Variants in COL19A1 observed in about 807,000 individuals in gnomAD.
COL19A1 encodes collagen alpha-1(XIX) chain.
A neutral mutation model predicts 190.2 loss-of-function variants in COL19A1; 159 were observed. That is an observed-to-expected ratio of 0.84 (90% CI 0.73 to 0.95). The LOEUF is 0.95. COL19A1 is among the 40% of genes least tolerant of loss of function. The probability of loss-of-function intolerance (pLI) is 0.00; values close to 1 mark genes in which losing one functional copy is unlikely to be tolerated. For missense variants in COL19A1, 1,418 were observed against 1,431.9 expected (o/e 0.99, Z 0.16); for synonymous variants, 509 against 458.9 (o/e 1.11, Z -1.39).
chr6:69,947,854 T>C (rs925935264), intron 9 of COL19A1, among the ~76,000 whole-genome samples: 14 of 151,916 alleles, frequency 9.2e-5, no homozygotes, highest in Admixed American at 2.6e-4. Flanking sequence ...CCTATAGGAA[T>C]GTAACTGTTA....
intron 11 of COL19A1, among the ~76,000 whole-genome samples, chr6:70,010,766 G>C (rs1416935802): frequency 7.7e-6 from 1 of 129,120 alleles, no homozygotes; most frequent in Non-Finnish European, 1.6e-5. Context: ...ACTGCAAGGC[G>C]GCAACGAGGC....
chr6:69,878,431 G>T (rs1768280931), intron 1 of COL19A1, among the ~76,000 whole-genome samples: 1 of 151,870 alleles, frequency 6.6e-6, no homozygotes, highest in Admixed American at 6.6e-5. Flanking sequence ...GGCCAGGATG[G>T]TCTCAATCTC....
chr6:69,990,142 A>G (rs1446148263), intron 11 of COL19A1, among the ~76,000 whole-genome samples: 1 of 152,106 alleles, frequency 6.6e-6, no homozygotes, highest in Non-Finnish European at 1.5e-5. Context: ...TCAAATAAAC[A>G]CAAAAGTGTG....
chr6:70,153,462 AT>A (rs1419886212), intron 31 of COL19A1, among the ~76,000 whole-genome samples: 1 of 152,128 alleles, frequency 6.6e-6, no homozygotes, highest in Non-Finnish European at 1.5e-5. Context: ...ATCTTAAGAC[AT>A]TTTTCCAAGA....
intron 15 of COL19A1, among the ~76,000 whole-genome samples, chr6:70,082,305 G>T (rs1782302350): frequency 6.6e-6 from 1 of 152,134 alleles, no homozygotes; most frequent in Non-Finnish European, 1.5e-5. Flanking sequence ...TATTCTGAGA[G>T]TCTAAAATTA....
intron 16 of COL19A1, among the ~76,000 whole-genome samples, chr6:70,104,121 A>G (rs1335576890): frequency 2.0e-5 from 3 of 152,162 alleles, no homozygotes; most frequent in African/African-American, 7.2e-5. Context: ...CCTATTAACA[A>G]TGCATTGGTG....
intron 15 of COL19A1, among the ~76,000 whole-genome samples, chr6:70,086,441 A>C (rs1377105241): frequency 1.3e-5 from 2 of 152,214 alleles, no homozygotes; most frequent in Non-Finnish European, 2.9e-5. Flanking sequence ...AAAAAGGACT[A>C]CAGATGGTCA....
rs138697919 is a variant in COL19A1 at position 70,210,387 on chromosome 6, C to T, written c.*3113C>T. Among the ~76,000 whole-genome samples the T allele has an allele frequency of 6.8e-4, 103 of 152,244 alleles. No homozygotes were observed. The South Asian group carries it at 0.016, about 24-fold the overall frequency. On this transcript the variant is annotated 3_prime_UTR_variant, in exon 51 of 51. Coordinates refer to ENST00000620364, the MANE Select transcript of COL19A1 (RefSeq NM_001858.6). ...GAAGGCAGTAACCATTACTTCTAAC[C>T]GTAACACAAACACAGCAAGTTTTAA...
At chr6:69,972,688 T>C (rs1286330664) in intron 11 of COL19A1, among the ~76,000 whole-genome samples, 2 of 151,944 alleles carry the variant, frequency 1.3e-5, no homozygotes, top group African/African-American at 4.8e-5. Flanking sequence ...ATATAAAATA[T>C]AAAACATTAA....
Position 70,156,168 on chromosome 6 carries a change from A to C in COL19A1, c.2121A>C (p.Lys707Asn). 1 of 1,613,272 alleles carries C rather than the reference A, an allele frequency of 6.2e-7. No homozygotes were observed. The highest frequency in any genetic ancestry group is 8.5e-7 in the Non-Finnish European group (1 of 1,179,552). Residue 707 changes from lysine (K) to asparagine (N), a missense_variant, in exon 32 of 51, where the codon AAA becomes AAC. By Grantham distance (94) the Lys-to-Asn change is moderately conservative. Coordinates refer to ENST00000620364, the MANE Select transcript of COL19A1 (RefSeq NM_001858.6). ...GNCQASVPGL[K>N]SNKGEEGGAG... ...GCCAAGCCAGTGTCCCAGGGCTGAA[A>C]AGCAACAAAGGAGAAGAAGGAGGTG...
intron 11 of COL19A1, among the ~76,000 whole-genome samples, chr6:70,004,877 A>G (rs1043352754): frequency 6.6e-6 from 1 of 151,230 alleles, no homozygotes; most frequent in African/African-American, 2.4e-5. Flanking sequence ...TTGCCGCCCA[A>G]GCTGGAGTGC....
chr6:69,990,887 T>C (rs566819985), intron 11 of COL19A1, among the ~76,000 whole-genome samples: 20 of 152,070 alleles, frequency 1.3e-4, no homozygotes, highest in Non-Finnish European at 2.5e-4. Flanking sequence ...AACTTTTTCT[T>C]CCTTTTTCTG....
At chr6:70,051,778 T>G (rs35524860) in intron 14 of COL19A1, among the ~76,000 whole-genome samples, 26,031 of 152,038 alleles carry the variant, frequency 0.17, 3,657 homozygotes, top group African/African-American at 0.38. Flanking sequence ...TCTGGCAAAT[T>G]TTTTATGAGT....
intron 40 of COL19A1, among the ~76,000 whole-genome samples, chr6:70,170,238 C>T (rs545062956): frequency 1.6e-4 from 25 of 152,146 alleles, no homozygotes; most frequent in African/African-American, 6.0e-4. Flanking sequence ...GTCAGCACCA[C>T]CCTGCAACTC....
intron 2 of COL19A1, among the ~76,000 whole-genome samples, chr6:69,885,789 T>C (rs1048412523): frequency 3.9e-5 from 6 of 152,250 alleles, no homozygotes; most frequent in Admixed American, 3.9e-4. Flanking sequence ...CTATCTATGC[T>C]GTGGAAAATG....
chr6:70,208,773 G>A lies in COL19A1; in HGVS notation c.*1499G>A, dbSNP rs1315095138. On this transcript the variant is annotated 3_prime_UTR_variant, in exon 51 of 51. Coordinates refer to ENST00000620364, the MANE Select transcript of COL19A1 (RefSeq NM_001858.6). ...CTGAAAAATGAGTTTAGAAAGGCTA[G>A]CCCACTGACATTGGAAAAAGCTGTG... The A allele has an allele frequency of 6.6e-6, 1 of 152,612 alleles. No homozygotes were observed. The highest frequency in any genetic ancestry group is 1.5e-5 in the Non-Finnish European group (1 of 68,022). 9.5% of individuals were successfully genotyped at this position (152,612 alleles called of 1,614,324 possible). A position where few individuals can be genotyped will look rare whatever the true frequency, so the allele number is the denominator to read the frequency against.
chr6:70,009,529 T>C (rs1777852355), intron 11 of COL19A1, among the ~76,000 whole-genome samples: 1 of 152,124 alleles, frequency 6.6e-6, no homozygotes, highest in African/African-American at 2.4e-5. Context: ...TCTTTAGATA[T>C]TGATCTATAG....
chr6:70,096,781 A>G (rs913927190), intron 15 of COL19A1, among the ~76,000 whole-genome samples: 2 of 152,282 alleles, frequency 1.3e-5, no homozygotes, highest in East Asian at 1.9e-4. Context: ...TTCTCATAAC[A>G]TGGTCCCCAG....
chr6:70,113,071 C>G (rs575561288), intron 16 of COL19A1, among the ~76,000 whole-genome samples: 1 of 152,074 alleles, frequency 6.6e-6, no homozygotes, highest in Non-Finnish European at 1.5e-5. Flanking sequence ...GGGATGCTAG[C>G]GATATCTTAG....
Sources: allele counts gnomAD v4.1 joint callset (sites outside exome capture counted in the v4.1 genomes callset), GRCh38; gene constraint gnomAD v4.1.1; transcripts MANE v1.5; gene names NCBI Gene and HGNC (gene_info 2026-07-23, HGNC 2026-07-21).